The following AGPAT4 variants were observed in gnomAD, a reference collection of about 807,000 sequenced individuals.
AGPAT4 encodes 1-acyl-sn-glycerol-3-phosphate acyltransferase delta.
AGPAT4 carries 15 observed loss-of-function variants against 48.0 expected under a neutral mutation model. That is an observed-to-expected ratio of 0.31 (90% confidence interval 0.21 to 0.48). AGPAT4 has a LOEUF of 0.48. AGPAT4 is among the 20% of genes least tolerant of loss of function. The probability of loss-of-function intolerance (pLI) is 0.99; values close to 1 mark genes in which losing one functional copy is unlikely to be tolerated. For missense variants in AGPAT4, 314 were observed against 482.5 expected (o/e 0.65, Z 3.27); for synonymous variants, 178 against 198.7 (o/e 0.90, Z 0.88).
Position 161,259,004 on chromosome 6 carries a change from G to C in AGPAT4, c.-90+14934C>G, listed in dbSNP as rs62437574. Among the ~76,000 whole-genome samples the C allele has an allele frequency of 0.023, 3,560 of 151,980 alleles. 54 individuals are homozygous for C. Among genetic ancestry groups the C allele is most frequent in the Non-Finnish European group, 0.039 (2,623 of 67,966 alleles). Reference sequence around the variant, plus strand: ...GTAGAGACAGGGTTTCATCATACAGGCAAGGCTGGTATCAAACTCCTGACC... The same window carrying C: ...GTAGAGACAGGGTTTCATCATACAGCCAAGGCTGGTATCAAACTCCTGACC... On this transcript the variant is annotated intron_variant, in intron 1 of 8. Coordinates refer to ENST00000320285, the MANE Select transcript of AGPAT4 (RefSeq NM_020133.3). The surrounding 1 kb of genome is among the most constrained non-coding windows in gnomAD (Gnocchi z 4.9).
At position 161,158,354 on chromosome 6, in the gene AGPAT4, C is replaced by A. The variant is rs1283962422; in HGVS notation, c.349-4044G>T. On this transcript the variant is annotated intron_variant, in intron 3 of 8. Transcript: ENST00000320285. The surrounding 1 kb of genome is among the most constrained non-coding windows in gnomAD (Gnocchi z 5.3). ...AATGTACAAGAAAATATACTAATTTCATCAATTCTGGATTTATTTCACAGG... is the reference window on the plus strand; with the variant it reads ...AATGTACAAGAAAATATACTAATTTAATCAATTCTGGATTTATTTCACAGG... Among the ~76,000 whole-genome samples, 1 of 152,204 alleles carries A rather than the reference C, an allele frequency of 6.6e-6. No homozygotes were observed. Among genetic ancestry groups the A allele is most frequent in the African/African-American group, 2.4e-5 (1 of 41,450 alleles).
chr6:161,183,208 G>A (rs551101736), intron 2 of AGPAT4, among the ~76,000 whole-genome samples: 39 of 152,222 alleles, frequency 2.6e-4, no homozygotes, highest in African/African-American at 7.2e-4. Flanking sequence ...TATCCACCAC[G>A]TGCTGATGTG....
At chr6:161,175,165 A>C (rs1306837381) in intron 2 of AGPAT4, among the ~76,000 whole-genome samples, 2 of 152,108 alleles carry the variant, frequency 1.3e-5, no homozygotes, top group Non-Finnish European at 2.9e-5. Context: ...GGCCTCATAA[A>C]ATGAGTTAGG....
chr6:161,260,385 C>G (rs547875189), intron 1 of AGPAT4, among the ~76,000 whole-genome samples: 1 of 152,270 alleles, frequency 6.6e-6, no homozygotes, highest in Admixed American at 6.5e-5. Flanking sequence ...CCAGGCCTGG[C>G]ACAGTGGCTC....
At position 161,198,933 on chromosome 6, in the gene AGPAT4, G is replaced by A. The variant is rs1781142149; in HGVS notation, c.179-32516C>T. 1.3e-5 allele frequency among the ~76,000 whole-genome samples: 2 copies of A among 152,112 alleles called. No individual in the cohort carries two copies. The highest frequency in any genetic ancestry group is 4.8e-5 in the African/African-American group (2 of 41,430). On this transcript the variant is annotated intron_variant, in intron 2 of 8. Coordinates refer to ENST00000320285, the MANE Select transcript of AGPAT4 (RefSeq NM_020133.3). The surrounding 1 kb of genome is among the most constrained non-coding windows in gnomAD (Gnocchi z 4.3). The stretch of plus-strand genomic sequence containing the variant: ...TCCTCAAATATATGTCAGAATTACT[G>A]CTGATATCGATTCCTTTTTTGAAGC...
At position 161,137,619 on chromosome 6, in the gene AGPAT4, ACCGTGTGG is replaced by A. The variant is rs1223283299; in HGVS notation, c.1043-993_1043-986del. 2.7e-5 allele frequency among the ~76,000 whole-genome samples: 4 copies of A among 150,788 alleles called. No homozygotes were observed. Among genetic ancestry groups the A allele is most frequent in the Non-Finnish European group, 5.9e-5 (4 of 67,976 alleles). On this transcript the variant is annotated intron_variant, in intron 8 of 8. Coordinates refer to ENST00000320285, the MANE Select transcript of AGPAT4 (RefSeq NM_020133.3). This position sits in a 1 kb window ranked among gnomAD's most constrained non-coding sequence, Gnocchi z 6.1. ...GCAGAAAGAAGTGAGTAAAACGTGG[ACCGTGTGG>A]CCTTGGAAGAGGAGTAAAGAACACA...
In AGPAT4 at chr6:161,139,142, G is replaced by A. The variant is rs140576693; in HGVS notation, c.1042+280C>T. On this transcript the variant is annotated intron_variant, in intron 8 of 8. Transcript: ENST00000320285. The surrounding 1 kb of genome is among the most constrained non-coding windows in gnomAD (Gnocchi z 9.1). ...CAGGGAGGGAGCACTCCCAGCTGTC[G>A]GGGAGTGAAGTGGCAGCTGCATCAC... Among the ~76,000 whole-genome samples the A allele has an allele frequency of 3.3e-5, 5 of 152,290 alleles. No individual in the cohort carries two copies. The East Asian group carries it at 7.7e-4, about 24-fold the overall frequency.
Position 161,216,425 on chromosome 6 carries a change from C to G in AGPAT4, c.178+15611G>C, listed in dbSNP as rs1781648950. Among the ~76,000 whole-genome samples the G allele has an allele frequency of 6.6e-6, 1 of 152,194 alleles. No homozygotes were observed. The highest frequency in any genetic ancestry group is 2.4e-5 in the African/African-American group (1 of 41,442). On this transcript the variant is annotated intron_variant, in intron 2 of 8. Transcript: ENST00000320285. This position sits in a 1 kb window ranked among gnomAD's most constrained non-coding sequence, Gnocchi z 4.8. ...CTACAATCTTCAGGCTCACTCTCCT[C>G]AGGACAGTGAAACGCTTCCGGGCAA...
At chr6:161,193,314 G>A (rs1022677879) in intron 2 of AGPAT4, among the ~76,000 whole-genome samples, 11 of 152,164 alleles carry the variant, frequency 7.2e-5, no homozygotes, top group Admixed American at 2.6e-4. Flanking sequence ...CAATCCAGTA[G>A]TTTCTTATTT....
chr6:161,263,398 G>A (rs1783163069), intron 1 of AGPAT4, among the ~76,000 whole-genome samples: 1 of 152,116 alleles, frequency 6.6e-6, no homozygotes, highest in African/African-American at 2.4e-5. Context: ...GGCTCAGGCA[G>A]GAGAATTGCT....
At chr6:161,145,249 T>C (rs1779386340) in intron 7 of AGPAT4, among the ~76,000 whole-genome samples, 1 of 151,712 alleles carries the variant, frequency 6.6e-6, no homozygotes, top group Non-Finnish European at 1.5e-5. Flanking sequence ...TTCTAGGTTC[T>C]ACCTCTAACC....
In AGPAT4 at chr6:161,215,643, T is replaced by TA. The variant is rs1401750499; in HGVS notation, c.178+16392dup. ...GCCTAGCACATGCTTGAAACACTGA[T>TA]ATCCTTGCAGTGGCTGAGGGGTATA... On this transcript the variant is annotated intron_variant, in intron 2 of 8. Transcript: ENST00000320285. The surrounding 1 kb of genome is among the most constrained non-coding windows in gnomAD (Gnocchi z 4.5). 6.6e-6 allele frequency among the ~76,000 whole-genome samples: 1 copy of TA among 151,560 alleles called. No homozygotes were observed. The highest frequency in any genetic ancestry group is 1.5e-5 in the Non-Finnish European group (1 of 67,962).
intron 2 of AGPAT4, among the ~76,000 whole-genome samples, chr6:161,207,952 C>T (rs543635422): frequency 6.6e-6 from 1 of 152,060 alleles, no homozygotes; most frequent in Non-Finnish European, 1.5e-5. Context: ...CTTAGCAAGA[C>T]GGATGCAGAT....
At position 161,201,481 on chromosome 6, in the gene AGPAT4, C is replaced by T. The variant is rs1022398185; in HGVS notation, c.178+30555G>A. On this transcript the variant is annotated intron_variant, in intron 2 of 8. Coordinates refer to ENST00000320285, the MANE Select transcript of AGPAT4 (RefSeq NM_020133.3). The surrounding 1 kb of genome is among the most constrained non-coding windows in gnomAD (Gnocchi z 6.0). ...TGGTTTTCTGTTCTTTAATTAGTTA[C>T]TTCTGGTTTTCAAGGCTGTCATCCA... Among the ~76,000 whole-genome samples the T allele has an allele frequency of 6.6e-6, 1 of 152,110 alleles. No homozygotes were observed. The highest frequency in any genetic ancestry group is 6.5e-5 in the Admixed American group (1 of 15,272).
Position 161,220,648 on chromosome 6 carries a change from T to A in AGPAT4, c.178+11388A>T, listed in dbSNP as rs892606824. Among the ~76,000 whole-genome samples, 1 of 152,222 alleles carries A rather than the reference T, an allele frequency of 6.6e-6. No homozygotes were observed. On this transcript the variant is annotated intron_variant, in intron 2 of 8. Transcript: ENST00000320285. The surrounding 1 kb of genome is among the most constrained non-coding windows in gnomAD (Gnocchi z 6.0). The stretch of plus-strand genomic sequence containing the variant: ...GTAGGCAATGCCCCCACCTGATTTG[T>A]GACGGGTGTCCCTCTCCTATTGCCC...
chr6:161,218,465 G>A lies in AGPAT4; in HGVS notation c.178+13571C>T, dbSNP rs897777312. On this transcript the variant is annotated intron_variant, in intron 2 of 8. Coordinates refer to ENST00000320285, the MANE Select transcript of AGPAT4 (RefSeq NM_020133.3). This position sits in a 1 kb window ranked among gnomAD's most constrained non-coding sequence, Gnocchi z 4.7. ...CACAGCAAGAATACCTTTACTTTAC[G>A]TTTGTCTAGCACCTTACAATTTATT... is the stretch of plus-strand genomic sequence containing the variant. Among the ~76,000 whole-genome samples, 2 of 152,132 alleles carry A rather than the reference G, an allele frequency of 1.3e-5. No homozygotes were observed. The highest frequency in any genetic ancestry group is 4.8e-5 in the African/African-American group (2 of 41,428).
At position 161,149,125 on chromosome 6, in the gene AGPAT4, T is replaced by C; in HGVS notation, c.767+62A>G. On this transcript the variant is annotated intron_variant, in intron 6 of 8. Transcript: ENST00000320285. The surrounding 1 kb of genome is among the most constrained non-coding windows in gnomAD (Gnocchi z 6.5). ...CCCTGGAAGAAAGTCTCTAGGTCAT[T>C]TGTGATGTGTTTACTTTGAAATGGG... 1 of 1,575,478 alleles carries C rather than the reference T, an allele frequency of 6.3e-7. No individual in the cohort carries two copies. The highest frequency in any genetic ancestry group is 8.6e-7 in the Non-Finnish European group (1 of 1,163,302).
chr6:161,242,365 T>C lies in AGPAT4; in HGVS notation c.-89-10063A>G, dbSNP rs542979330. On this transcript the variant is annotated intron_variant, in intron 1 of 8. Transcript: ENST00000320285. This position sits in a 1 kb window ranked among gnomAD's most constrained non-coding sequence, Gnocchi z 5.0. ...CCTTCCGGGACGCCTGGGATTTCAG[T>C]CCATGGTCTTGTTTCTGACTGTTGG... is the stretch of plus-strand genomic sequence containing the variant. Among the ~76,000 whole-genome samples the C allele has an allele frequency of 6.6e-6, 1 of 152,324 alleles. No homozygotes were observed. Among genetic ancestry groups the C allele is most frequent in the Admixed American group, 6.5e-5 (1 of 15,298 alleles).
chr6:161,206,976 C>A lies in AGPAT4; in HGVS notation c.178+25060G>T, dbSNP rs909776855. ...AGTAGAAATCAGCTCATCTGGACAA[C>A]AGAGAAAATAGGCTGAAAAATAGTC... On this transcript the variant is annotated intron_variant, in intron 2 of 8. Coordinates refer to ENST00000320285, the MANE Select transcript of AGPAT4 (RefSeq NM_020133.3). The surrounding 1 kb of genome is among the most constrained non-coding windows in gnomAD (Gnocchi z 4.8). 3.9e-5 allele frequency among the ~76,000 whole-genome samples: 6 copies of A among 152,186 alleles called. No homozygotes were observed. The highest frequency in any genetic ancestry group is 7.2e-5 in the African/African-American group (3 of 41,440).
Sources: gnomAD v4.1 joint callset for allele counts (sites outside exome capture counted in the v4.1 genomes callset) on GRCh38, gnomAD v4.1.1 for gene constraint, Gnocchi (gnomAD v3.1) non-coding constraint, MANE v1.5 for transcripts, NCBI Gene and HGNC (gene_info 2026-07-23, HGNC 2026-07-21) for gene names.